Variants in PTPRM observed in about 807,000 individuals in gnomAD.
PTPRM encodes receptor-type tyrosine-protein phosphatase mu.
In PTPRM, 47 loss-of-function variants were observed where a neutral mutation model predicts 186.7. That is an observed-to-expected ratio of 0.25 (90% CI 0.20 to 0.32). The LOEUF is 0.32. PTPRM is among the 10% of genes least tolerant of loss of function. The probability of loss-of-function intolerance (pLI) is 1.00; values close to 1 mark genes in which losing one functional copy is unlikely to be tolerated. For missense variants in PTPRM, 1,494 were observed against 1,865.0 expected, an observed-to-expected ratio of 0.80 and a Z score of 3.66; for synonymous variants, 668 against 674.9, an observed-to-expected ratio of 0.99 and a Z score of 0.16.
At chr18:8,020,154 T>A (rs1471888083) in intron 7 of PTPRM, among the ~76,000 whole-genome samples, 1 of 152,216 alleles carries the variant, frequency 6.6e-6, no homozygotes, top group Non-Finnish European at 1.5e-5. Flanking sequence ...ACAAAAAGTA[T>A]CTGAAGTTTT....
intron 2 of PTPRM, among the ~76,000 whole-genome samples, chr18:7,842,978 A>AGAGG (rs1413070956): frequency 4.0e-4 from 59 of 147,454 alleles, no homozygotes; most frequent in Middle Eastern, 3.5e-3. Flanking sequence ...AGAGAGAGAG[A>AGAGG]GATTATATGA....
intron 22 of PTPRM, among the ~76,000 whole-genome samples, chr18:8,338,385 C>A (rs1231640272): frequency 1.6e-5 from 2 of 123,322 alleles, no homozygotes; most frequent in African/African-American, 2.8e-5. Context: ...AAAAAAAACA[C>A]CTTTAAAGAG....
intron 14 of PTPRM, among the ~76,000 whole-genome samples, chr18:8,235,203 TG>T: frequency 6.6e-6 from 1 of 152,266 alleles, no homozygotes; most frequent in South Asian, 2.1e-4. Context: ...CATCTGAGCC[TG>T]GTACTTCATG....
chr18:7,633,909 C>G (rs1261233925), intron 1 of PTPRM, among the ~76,000 whole-genome samples: 1 of 152,094 alleles, frequency 6.6e-6, no homozygotes, highest in Non-Finnish European at 1.5e-5. Flanking sequence ...TAGGACTTTC[C>G]CCTTTTCAGC....
chr18:7,605,925 A>G (rs796602299), intron 1 of PTPRM, among the ~76,000 whole-genome samples: 38 of 152,214 alleles, frequency 2.5e-4, no homozygotes, highest in African/African-American at 9.1e-4. Flanking sequence ...ACAGACAGGG[A>G]GAGGGTGTGG....
chr18:8,103,211 C>T (rs1055975141), intron 11 of PTPRM, among the ~76,000 whole-genome samples: 10 of 152,172 alleles, frequency 6.6e-5, no homozygotes, highest in Non-Finnish European at 1.5e-4. Context: ...CTTAAACTTG[C>T]TAGCAGCATG....
chr18:8,143,761 T>C lies in PTPRM; in HGVS notation c.2282T>C (p.Val761Ala). ...LLFVIIFLGVVLVMKKRKLAK... is the reference protein window; with the variant it reads ...LLFVIIFLGVALVMKKRKLAK... ...TTCGTGATTATATTTCTTGGAGTTG[T>C]GTTGGTAATGAAGAAAAGGTGAGCT... Residue 761 changes from valine to alanine, a missense_variant, in exon 14 of 33, where the codon GTG becomes GCG. This residue lies in a region of PTPRM where 1,107 missense variants were observed against 1,350.2 expected (regional missense o/e 0.82). Transcript: ENST00000580170. The C allele has an allele frequency of 1.2e-6, 2 of 1,614,090 alleles. No individual in the cohort carries two copies. The highest frequency in any genetic ancestry group is 4.5e-5 in the East Asian group (2 of 44,880).
At position 8,373,048 on chromosome 18, in the gene PTPRM, G is replaced by A. The variant is rs73939461; in HGVS notation, c.3171+2042G>A. On this transcript the variant is annotated intron_variant, in intron 24 of 32. Coordinates refer to ENST00000580170, the MANE Select transcript of PTPRM (RefSeq NM_001105244.2). Reference sequence around the variant, plus strand: ...GTCACTAGACAACCAGTGAAGAGGTGGTGGAGGGAAGAGAAGGAATAAGGA... The same window carrying A: ...GTCACTAGACAACCAGTGAAGAGGTAGTGGAGGGAAGAGAAGGAATAAGGA... 3.5e-3 allele frequency among the ~76,000 whole-genome samples: 538 copies of A among 152,268 alleles called. 3 individuals carry two copies. Among genetic ancestry groups the A allele is most frequent in the African/African-American group, 0.012 (509 of 41,550 alleles).
rs574349914 is a variant in PTPRM, at chr18:8,227,441, A to T, written c.2301-16617A>T. Among the ~76,000 whole-genome samples, 12 of 152,242 alleles carry T rather than the reference A, an allele frequency of 7.9e-5. No individual in the cohort carries two copies. In the South Asian group the frequency reaches 2.3e-3, roughly 29 times the overall value. On this transcript the variant is annotated intron_variant, in intron 14 of 32. Coordinates refer to ENST00000580170, the MANE Select transcript of PTPRM (RefSeq NM_001105244.2). ...GGAATAGAAAGGTTTTTTAAAAAAA[A>T]TTTTCATCCTTTGTGTTTATGAGAT...
intron 4 of PTPRM, among the ~76,000 whole-genome samples, chr18:7,906,869 T>C (rs1358080516): frequency 2.0e-5 from 3 of 152,230 alleles, no homozygotes; most frequent in Non-Finnish European, 4.4e-5. Context: ...GTTGCCGTGG[T>C]CTTTAGAATT....
chr18:8,011,254 G>A (rs2084509194), intron 7 of PTPRM, among the ~76,000 whole-genome samples: 1 of 152,166 alleles, frequency 6.6e-6, no homozygotes, highest in Non-Finnish European at 1.5e-5. Context: ...GGAGACAAAT[G>A]TTGGCAGTGG....
At chr18:8,391,446 T>C (rs1442154210) in intron 31 of PTPRM, among the ~76,000 whole-genome samples, 1 of 152,200 alleles carries the variant, frequency 6.6e-6, no homozygotes, top group African/African-American at 2.4e-5. Context: ...ACACCGTGGG[T>C]GATTCTCACA....
intron 7 of PTPRM, among the ~76,000 whole-genome samples, chr18:7,976,333 A>G (rs774751929): frequency 4.6e-5 from 7 of 152,210 alleles, no homozygotes; most frequent in Non-Finnish European, 5.9e-5. Context: ...ATCATAGAGG[A>G]CTTTTTCAGG....
At chr18:8,116,551 A>G (rs2091965220) in intron 13 of PTPRM, among the ~76,000 whole-genome samples, 1 of 152,180 alleles carries the variant, frequency 6.6e-6, no homozygotes, top group African/African-American at 2.4e-5. Flanking sequence ...GGCCAGTGAC[A>G]GTATTGTGTA....
intron 7 of PTPRM, among the ~76,000 whole-genome samples, chr18:8,040,944 T>C (rs2086653447): frequency 6.6e-6 from 1 of 152,240 alleles, no homozygotes; most frequent in East Asian, 1.9e-4. Flanking sequence ...CTTTAGCATA[T>C]ATTTATGTGA....
intron 14 of PTPRM, 51 bp downstream of exon 14, chr18:8,143,830 G>A: frequency 6.2e-7 from 1 of 1,600,676 alleles, no homozygotes; most frequent in Admixed American, 1.7e-5. Context: ...TTGTTTGCTG[G>A]AATGTTTTGT....
intron 15 of PTPRM, among the ~76,000 whole-genome samples, chr18:8,246,806 T>C (rs1393248086): frequency 6.6e-6 from 1 of 152,210 alleles, no homozygotes; most frequent in Non-Finnish European, 1.5e-5. Context: ...TTTAAAAATA[T>C]AAACACAGGT....
intron 12 of PTPRM, among the ~76,000 whole-genome samples, chr18:8,114,292 T>A (rs967166436): frequency 6.6e-6 from 1 of 152,168 alleles, no homozygotes; most frequent in Admixed American, 6.5e-5. Flanking sequence ...TTGCTTCCCC[T>A]TCCTGCTCAG....
intron 11 of PTPRM, among the ~76,000 whole-genome samples, chr18:8,105,857 G>A (rs994440559): frequency 6.6e-6 from 1 of 152,204 alleles, no homozygotes; most frequent in Admixed American, 6.5e-5. Flanking sequence ...GGATTAAAAT[G>A]GATATCCAGT....
Sources: gnomAD v4.1 joint callset for allele counts (sites outside exome capture counted in the v4.1 genomes callset) on GRCh38, gnomAD v4.1.1 for gene constraint, gnomAD v4.1.1 regional missense constraint, MANE v1.5 for transcripts, NCBI Gene and HGNC (gene_info 2026-07-23, HGNC 2026-07-21) for gene names.